Variants in HMCN1 observed in about 807,000 individuals in gnomAD.
HMCN1 encodes hemicentin 1.
In HMCN1, 321 loss-of-function variants were observed where a neutral mutation model predicts 625.9. The observed-to-expected ratio is 0.51, with a 90% CI of 0.47 to 0.56. The LOEUF is 0.56. Ranked by LOEUF, HMCN1 falls within the 20% of genes least tolerant of loss-of-function variation. HMCN1 has a pLI of 0.00. For missense variants in HMCN1, 6,588 were observed against 6,887.3 expected, an observed-to-expected ratio of 0.96 and a Z score of 1.54; for synonymous variants, 2,425 against 2,417.6, an observed-to-expected ratio of 1.00 and a Z score of -0.09.
At chr1:185,875,533 A>G (rs997496853) in intron 4 of HMCN1, among the ~76,000 whole-genome samples, 2 of 152,044 alleles carry the variant, frequency 1.3e-5, no homozygotes, top group Non-Finnish European at 2.9e-5. Flanking sequence ...TCTTCACTCA[A>G]TTAGAACTGT....
In HMCN1 at chr1:185,993,195, C is replaced by A; in HGVS notation, c.3391C>A (p.Pro1131Thr). The A allele has an allele frequency of 1.2e-6, 2 of 1,612,434 alleles. No individual in the cohort carries two copies. Among genetic ancestry groups the A allele is most frequent in the Non-Finnish European group, 1.7e-6 (2 of 1,178,692 alleles). ...TCTTTCTTTTAGACACACATTCCTC[C>A]CTTCTGGTTCAATGAAGATCACTGA... ...SPFSPRHTFL[P>T]SGSMKITETR... The change falls in exon 23 of 107, where the codon CCT (proline) becomes ACT (threonine). Residue 1131 changes from proline (P) to threonine (T), a missense_variant. By Grantham distance (38) the Pro-to-Thr change is conservative (BLOSUM62 -1). Coordinates refer to ENST00000271588, the MANE Select transcript of HMCN1 (RefSeq NM_031935.3).
intron 11 of HMCN1, among the ~76,000 whole-genome samples, chr1:185,939,634 C>T (rs942050149): frequency 6.6e-6 from 1 of 151,976 alleles, no homozygotes; most frequent in Admixed American, 6.5e-5. Flanking sequence ...TATTTTTAAA[C>T]TTTGTGTAAA....
Position 186,048,759 on chromosome 1 carries a change from T to C in HMCN1, c.6497T>C (p.Val2166Ala). 1 of 1,609,386 alleles carries C rather than the reference T, an allele frequency of 6.2e-7. No homozygotes were observed. The highest frequency in any genetic ancestry group is 1.3e-5 in the African/African-American group (1 of 74,922). ...TGTTTTCAGATTGAAGATGCTCAGG[T>C]TCAAGACACTGGTCGTTACACTTGT... ...RSVLKIEDAQ[V>A]QDTGRYTCEA... is the part of the protein sequence containing the mutation. The change falls in exon 42 of 107, where the codon GTT becomes GCT. Residue 2166 changes from valine to alanine, a missense_variant. Coordinates refer to ENST00000271588, the MANE Select transcript of HMCN1 (RefSeq NM_031935.3).
At chr1:185,738,024 A>G (rs1653712426) in intron 1 of HMCN1, among the ~76,000 whole-genome samples, 1 of 152,204 alleles carries the variant, frequency 6.6e-6, no homozygotes, top group African/African-American at 2.4e-5. Context: ...AGGAGGAGGT[A>G]CCAGAGATGA....
intron 26 of HMCN1, among the ~76,000 whole-genome samples, chr1:186,000,818 A>T (rs984768495): frequency 1.3e-5 from 2 of 152,074 alleles, no homozygotes; most frequent in South Asian, 4.1e-4. Context: ...TCTGTTAATG[A>T]TGAGCGTGTA....
chr1:186,064,593 A>G (rs549369770), intron 48 of HMCN1, among the ~76,000 whole-genome samples: 87 of 152,194 alleles, frequency 5.7e-4, no homozygotes, highest in African/African-American at 1.9e-3. Flanking sequence ...GTGGATCACA[A>G]GGTCAGGAGA....
At position 186,178,496 on chromosome 1, in the gene HMCN1, C is replaced by T. The variant is rs747677131; in HGVS notation, c.16024C>T (p.Pro5342Ser). The T allele has an allele frequency of 1.2e-6, 2 of 1,613,968 alleles. No individual in the cohort carries two copies. The highest frequency in any genetic ancestry group is 2.7e-5 in the African/African-American group (2 of 74,918). The change falls in exon 104 of 107, where the codon CCA becomes TCA. Residue 5342 changes from proline (P) to serine (S), a missense_variant. Coordinates refer to ENST00000271588, the MANE Select transcript of HMCN1 (RefSeq NM_031935.3). ...NTPGSFKCIC[P>S]PGQHLLGDGK... ...CCCCGGCAGCTTCAAGTGTATCTGT[C>T]CACCAGGACAACATTTATTAGGGGA...
chr1:186,182,562 A>C (rs1399650207), intron 105 of HMCN1, among the ~76,000 whole-genome samples: 1 of 152,220 alleles, frequency 6.6e-6, no homozygotes, highest in Non-Finnish European at 1.5e-5. Flanking sequence ...TTAAAACTTA[A>C]TGGGAATAGA....
intron 2 of HMCN1, among the ~76,000 whole-genome samples, chr1:185,851,918 G>C (rs781727848): frequency 2.0e-5 from 3 of 151,560 alleles, no homozygotes; most frequent in African/African-American, 4.8e-5. Flanking sequence ...CAAATCAAAA[G>C]CTTTACATAT....
chr1:185,884,329 T>C (rs1423161444), intron 4 of HMCN1, among the ~76,000 whole-genome samples: 1 of 151,968 alleles, frequency 6.6e-6, no homozygotes, highest in Admixed American at 6.6e-5. Context: ...ATGCACAGAT[T>C]GTTATTTAGA....
In HMCN1 at chr1:186,117,751, G is replaced by C. The variant is rs1661205022; in HGVS notation, c.11848+128G>C. Reference sequence around the variant, plus strand: ...ATGCATTCTTGAACTTAAAAATCTGGAAAACAGATTGTTAAAACATATTTT... The same window carrying C: ...ATGCATTCTTGAACTTAAAAATCTGCAAAACAGATTGTTAAAACATATTTT... On this transcript the variant is annotated intron_variant, in intron 77 of 106. Transcript: ENST00000271588. 3 of 932,212 alleles carry C rather than the reference G, an allele frequency of 3.2e-6. No homozygotes were observed. The African/African-American group carries it at 4.9e-5, about 15-fold the overall frequency. 57.7% of individuals were successfully genotyped at this position (932,212 alleles called of 1,614,324 possible).
At chr1:185,829,124 T>A (rs1013213194) in intron 1 of HMCN1, among the ~76,000 whole-genome samples, 6 of 152,298 alleles carry the variant, frequency 3.9e-5, no homozygotes, top group African/African-American at 1.4e-4. Context: ...TAAAAGATTT[T>A]GTTTACTAAA....
intron 11 of HMCN1, among the ~76,000 whole-genome samples, chr1:185,940,815 G>A (rs1229876041): frequency 6.6e-6 from 1 of 152,036 alleles, no homozygotes; most frequent in East Asian, 1.9e-4. Flanking sequence ...CCAGGCTGGA[G>A]TGCAATGGCA....
chr1:185,866,596 C>T (rs1009680425), intron 4 of HMCN1, among the ~76,000 whole-genome samples: 6 of 151,278 alleles, frequency 4.0e-5, no homozygotes, highest in Non-Finnish European at 7.4e-5. Flanking sequence ...TTAGTAGAGA[C>T]GGGGTTTCAC....
intron 24 of HMCN1, among the ~76,000 whole-genome samples, chr1:185,995,313 G>A (rs1047679305): frequency 1.3e-5 from 2 of 152,030 alleles, no homozygotes; most frequent in African/African-American, 4.8e-5. Flanking sequence ...AAGTTGCCAT[G>A]GATCATGTAG....
intron 46 of HMCN1, among the ~76,000 whole-genome samples, chr1:186,061,311 A>T (rs977320216): frequency 6.6e-6 from 1 of 152,146 alleles, no homozygotes; most frequent in Non-Finnish European, 1.5e-5. Flanking sequence ...CAGAAGAGAG[A>T]GTATGTGAAG....
chr1:185,959,447 T>C (rs1649855418), intron 11 of HMCN1, among the ~76,000 whole-genome samples: 1 of 152,200 alleles, frequency 6.6e-6, no homozygotes, highest in African/African-American at 2.4e-5. Context: ...TAAAGTAGTA[T>C]TGGTTTTTAT....
At chr1:186,007,729 G>T (rs1653735623) in intron 30 of HMCN1, among the ~76,000 whole-genome samples, 1 of 152,088 alleles carries the variant, frequency 6.6e-6, no homozygotes, top group South Asian at 2.1e-4. Flanking sequence ...TGCCTTATGT[G>T]TTTGTGCTAC....
rs1049917217 is a variant in HMCN1, at chr1:185,845,920, A to G, written c.269-106A>G. ...GTTTGGTATTTTACTATTTCTTATT[A>G]ATAAGTAACCATGTACTGCAAGGTG... On this transcript the variant is annotated intron_variant, in intron 1 of 106. Transcript: ENST00000271588. 3 of 725,964 alleles carry G rather than the reference A, an allele frequency of 4.1e-6. No homozygotes were observed. In the African/African-American group the frequency reaches 5.3e-5, roughly 13 times the overall value. The allele number at this position is 725,964 out of a possible 1,614,324, so 45.0% of individuals were successfully genotyped here. A position where few individuals can be genotyped will look rare whatever the true frequency, so the allele number is the denominator to read the frequency against.
Sources: gnomAD v4.1 joint callset for allele counts (sites outside exome capture counted in the v4.1 genomes callset) on GRCh38, gnomAD v4.1.1 for gene constraint, MANE v1.5 for transcripts, NCBI Gene and HGNC (gene_info 2026-07-23, HGNC 2026-07-21) for gene names.